Variants in ZBTB21 observed in about 807,000 individuals in gnomAD.
ZBTB21 encodes the protein zinc finger and BTB domain containing 21.
In ZBTB21, 10 loss-of-function variants were observed where a neutral mutation model predicts 39.8. The ratio of observed to expected loss-of-function variants is 0.25; its 90% CI spans 0.16 to 0.43. The LOEUF (loss-of-function observed/expected upper bound fraction) is 0.43, where lower values mean the gene tolerates loss of function less well. Among genes scored for constraint, ZBTB21 ranks in the 20% least tolerant of loss-of-function variants. The pLI is 1.00. For missense variants in ZBTB21, 1,221 were observed against 1,296.3 expected, an observed-to-expected ratio of 0.94 and a Z score of 0.89; for synonymous variants, 551 against 498.8, an observed-to-expected ratio of 1.10 and a Z score of -1.40.
At chr21:41,999,464 T>C (rs572384264) in intron 2 of ZBTB21, among the ~76,000 whole-genome samples, 72 of 152,312 alleles carry the variant, frequency 4.7e-4, no homozygotes, top group Non-Finnish European at 9.0e-4. Flanking sequence ...TCAGTCAAAA[T>C]ATTTTGAGAG....
chr21:42,009,389 G>A (rs1292149321), intron 1 of ZBTB21: 1 of 152,342 alleles, frequency 6.6e-6, no homozygotes, highest in Non-Finnish European at 1.5e-5. Flanking sequence ...GCCGGGAAGA[G>A]ATGTGGCGGG....
At chr21:41,999,421 G>C (rs191739956) in intron 2 of ZBTB21, among the ~76,000 whole-genome samples, 1 of 152,272 alleles carries the variant, frequency 6.6e-6, no homozygotes, top group East Asian at 1.9e-4. Context: ...GCATGGACTG[G>C]ATTGAGATGT....
intron 1 of ZBTB21, among the ~76,000 whole-genome samples, chr21:42,003,849 A>G (rs1344436474): frequency 2.6e-5 from 4 of 152,190 alleles, no homozygotes; most frequent in African/African-American, 9.7e-5. Context: ...GCTGGGGCTT[A>G]AAACCTTCCA....
Position 41,993,151 on chromosome 21 carries a change from T to C in ZBTB21, c.945A>G (p.Leu315=), listed in dbSNP as rs776963840. ...RNLLYYSKLG[L]VIPSSGSGSG... is the part of the protein sequence containing the mutation. Reference sequence around the variant, plus strand: ...AACCAGATCCACTGGATGGGATCACTAAGCCTAACTTTGAATAGTACAACA... The same window carrying C: ...AACCAGATCCACTGGATGGGATCACCAAGCCTAACTTTGAATAGTACAACA... Residue 315 remains leucine, a synonymous_variant, in exon 3 of 3, where the codon TTA becomes TTG. Coordinates refer to ENST00000310826, the MANE Select transcript of ZBTB21 (RefSeq NM_001098402.2). 3 of 1,614,064 alleles carry C rather than the reference T, an allele frequency of 1.9e-6. No homozygotes were observed. The highest frequency in any genetic ancestry group is 1.3e-5 in the African/African-American group (1 of 74,948).
intron 2 of ZBTB21, among the ~76,000 whole-genome samples, chr21:41,995,241 G>A (rs937978388): frequency 6.6e-6 from 1 of 152,338 alleles, no homozygotes; most frequent in Non-Finnish European, 1.5e-5. Context: ...ACAGGAAAAT[G>A]TGGGAAACTT....
intron 2 of ZBTB21, among the ~76,000 whole-genome samples, chr21:41,998,566 C>T (rs2065779930): frequency 6.6e-6 from 1 of 152,028 alleles, no homozygotes; most frequent in Admixed American, 6.6e-5. Context: ...TACATGAATC[C>T]CAAGTAACTA....
chr21:41,995,474 G>A (rs2065733815), intron 2 of ZBTB21, among the ~76,000 whole-genome samples: 1 of 152,160 alleles, frequency 6.6e-6, no homozygotes, highest in Non-Finnish European at 1.5e-5. Context: ...AGGGTATCTG[G>A]CAGAAGGAAT....
chr21:42,001,719 G>A (rs981769276), intron 2 of ZBTB21, among the ~76,000 whole-genome samples: 3 of 152,164 alleles, frequency 2.0e-5, no homozygotes, highest in Non-Finnish European at 4.4e-5. Flanking sequence ...GCTATAATTT[G>A]GGTGCTTATT....
chr21:41,998,192 ATTT>A (rs112739106), intron 2 of ZBTB21, among the ~76,000 whole-genome samples: 2 of 122,226 alleles, frequency 1.6e-5, no homozygotes, highest in African/African-American at 3.0e-5. Flanking sequence ...CATCCTTTTC[ATTT>A]TTTTTTTTTT....
At chr21:42,000,636 G>C (rs1001103996) in intron 2 of ZBTB21, among the ~76,000 whole-genome samples, 4 of 152,136 alleles carry the variant, frequency 2.6e-5, no homozygotes, top group African/African-American at 9.7e-5. Context: ...CCTTCTTTAT[G>C]CATTATTCAA....
At chr21:41,998,922 T>G (rs1445973207) in intron 2 of ZBTB21, among the ~76,000 whole-genome samples, 1 of 152,242 alleles carries the variant, frequency 6.6e-6, no homozygotes, top group Non-Finnish European at 1.5e-5. Flanking sequence ...TGGTAAATTT[T>G]AATTCCTCTA....
At position 41,992,788 on chromosome 21, in the gene ZBTB21, C is replaced by T. The variant is rs368261324; in HGVS notation, c.1308G>A (p.Pro436=). Residue 436 remains proline, a synonymous_variant, in exon 3 of 3, where the codon CCG becomes CCA. Transcript: ENST00000310826. This position sits in a 1 kb window ranked among gnomAD's most constrained non-coding sequence, Gnocchi z 4.1. ...GGATGATGTCCGAGGGGTCCGACAG[C>T]GGGCTGCTGGGCTCAGTCTTTATGC... ...EVRIKTEPSS[P]LSDPSDIIRV... is the part of the protein sequence containing the mutation. 4.1e-4 allele frequency: 667 copies of T among 1,614,048 alleles called. No individual in the cohort carries two copies. The highest frequency in any genetic ancestry group is 5.2e-4 in the Non-Finnish European group (610 of 1,180,038).
At chr21:42,005,681 T>C (rs552151689) in intron 1 of ZBTB21, among the ~76,000 whole-genome samples, 1 of 152,364 alleles carries the variant, frequency 6.6e-6, no homozygotes, top group African/African-American at 2.4e-5. Flanking sequence ...CTGAGCTTCT[T>C]AGAACAAAGC....
chr21:42,008,566 AAAAAG>A (rs201616852), intron 1 of ZBTB21, among the ~76,000 whole-genome samples: 33,419 of 135,286 alleles, frequency 0.25, 4,534 homozygotes, highest in Non-Finnish European at 0.35. Context: ...AAAAAAAGAA[AAAAAG>A]AAAAGAAAAG....
chr21:42,007,848 C>G (rs1294600814), intron 1 of ZBTB21: 1 of 152,244 alleles, frequency 6.6e-6, no homozygotes, highest in Non-Finnish European at 1.5e-5. Context: ...CGTTACAGAG[C>G]CCCAAAACGT....
chr21:41,994,166 C>T (rs1463729475), intron 2 of ZBTB21, 58 bp from the exon 3 acceptor site: 4 of 1,456,480 alleles, frequency 2.7e-6, no homozygotes, highest in African/African-American at 2.8e-5. Context: ...CCCCTGGCTC[C>T]TCAAGAGCAG....
Position 41,989,671 on chromosome 21 carries a change from G to C in ZBTB21, c.*1224C>G, listed in dbSNP as rs1362782352. 1 of 152,136 alleles carries C rather than the reference G, an allele frequency of 6.6e-6. No individual in the cohort carries two copies. Among genetic ancestry groups the C allele is most frequent in the African/African-American group, 2.4e-5 (1 of 41,430 alleles). 9.4% of individuals were successfully genotyped at this position (152,136 alleles called of 1,614,324 possible). A position where few individuals can be genotyped will look rare whatever the true frequency, so the allele number is the denominator to read the frequency against. On this transcript the variant is annotated 3_prime_UTR_variant, in exon 3 of 3. Coordinates refer to ENST00000310826, the MANE Select transcript of ZBTB21 (RefSeq NM_001098402.2). ...AAACTAATTTTGGACCACTGATAGT[G>C]CTCTAATACCTATTTTTGAAATATT... is the stretch of plus-strand genomic sequence containing the variant.
chr21:41,998,474 A>G (rs578165801), intron 2 of ZBTB21, among the ~76,000 whole-genome samples: 1 of 152,330 alleles, frequency 6.6e-6, no homozygotes, highest in African/African-American at 2.4e-5. Flanking sequence ...TACAGGTGTG[A>G]GCCACCACAG....
At chr21:41,995,112 T>A (rs574802086) in intron 2 of ZBTB21, among the ~76,000 whole-genome samples, 2 of 152,160 alleles carry the variant, frequency 1.3e-5, no homozygotes, top group Non-Finnish European at 1.5e-5. Flanking sequence ...AATGGACTAA[T>A]ACAGTAAATT....
Sources: gnomAD v4.1 joint callset for allele counts (sites outside exome capture counted in the v4.1 genomes callset) on GRCh38, gnomAD v4.1.1 for gene constraint, Gnocchi (gnomAD v3.1) non-coding constraint, MANE v1.5 for transcripts, NCBI Gene and HGNC (gene_info 2026-07-23, HGNC 2026-07-21) for gene names.